Variants in PTPRK observed in about 807,000 individuals in gnomAD.
The protein encoded by PTPRK is protein tyrosine phosphatase receptor type K.
Under a neutral mutation model 178.0 loss-of-function variants are expected in PTPRK, and 75 were observed. The ratio of observed to expected loss-of-function variants is 0.42; its 90% CI spans 0.35 to 0.51. The LOEUF (loss-of-function observed/expected upper bound fraction) is 0.51, where lower values mean the gene tolerates loss of function less well. PTPRK is among the 20% of genes least tolerant of loss of function. The pLI, the probability that PTPRK is intolerant of heterozygous loss-of-function variation, is 0.02. For synonymous variants in PTPRK, 637 were observed against 620.6 expected, an observed-to-expected ratio of 1.03 and a Z score of -0.39; for missense variants, 1,441 against 1,797.8, an observed-to-expected ratio of 0.80 and a Z score of 3.59.
chr6:128,495,994 G>A (rs972145059), intron 1 of PTPRK, among the ~76,000 whole-genome samples: 3 of 152,150 alleles, frequency 2.0e-5, no homozygotes, highest in Non-Finnish European at 4.4e-5. Context: ...CCTTGGGTAA[G>A]ACACATTCTT....
intron 1 of PTPRK, among the ~76,000 whole-genome samples, chr6:128,410,847 G>T (rs1228313802): frequency 6.6e-6 from 1 of 152,168 alleles, no homozygotes; most frequent in Non-Finnish European, 1.5e-5. Context: ...CTTGGCTGAG[G>T]CTGGGCCTTC....
chr6:128,024,729 C>A (rs967547137), intron 13 of PTPRK, among the ~76,000 whole-genome samples: 6 of 152,084 alleles, frequency 3.9e-5, no homozygotes, highest in Admixed American at 1.3e-4. Context: ...AGAATTGCAA[C>A]CTCCTGGGAG....
intron 13 of PTPRK, among the ~76,000 whole-genome samples, chr6:128,056,982 G>T (rs1459464505): frequency 6.6e-6 from 1 of 152,150 alleles, no homozygotes; most frequent in African/African-American, 2.4e-5. Flanking sequence ...ATACTTTTCA[G>T]AAGTGTTTCA....
intron 1 of PTPRK, among the ~76,000 whole-genome samples, chr6:128,428,050 G>C (rs555541018): frequency 4.6e-5 from 7 of 151,972 alleles, no homozygotes; most frequent in Admixed American, 4.6e-4. Context: ...CCGAGATCAC[G>C]CCACTGCACT....
chr6:128,297,393 T>A (rs1446009238), intron 3 of PTPRK, among the ~76,000 whole-genome samples: 6 of 152,148 alleles, frequency 3.9e-5, no homozygotes, highest in South Asian at 4.2e-4. Flanking sequence ...CATCTACAGA[T>A]CTCTCCACCC....
intron 7 of PTPRK, among the ~76,000 whole-genome samples, chr6:128,167,121 A>G (rs1292967143): frequency 6.6e-6 from 1 of 151,790 alleles, no homozygotes. Context: ...TGTGCCTTAT[A>G]CATAAATATA....
intron 1 of PTPRK, among the ~76,000 whole-genome samples, chr6:128,493,639 CACACACAG>C (rs1854230370): frequency 1.5e-5 from 2 of 134,816 alleles, no homozygotes; most frequent in East Asian, 2.2e-4. Flanking sequence ...CACACACACA[CACACACAG>C]AAACAACTAT....
intron 13 of PTPRK, among the ~76,000 whole-genome samples, chr6:128,045,795 C>T (rs947616820): frequency 7.9e-5 from 12 of 152,014 alleles, no homozygotes; most frequent in Admixed American, 5.2e-4. Flanking sequence ...TACCCATACC[C>T]TCATGAACTT....
chr6:128,021,596 T>C (rs1185503059), intron 13 of PTPRK, among the ~76,000 whole-genome samples: 5 of 152,162 alleles, frequency 3.3e-5, no homozygotes, highest in African/African-American at 7.2e-5. Flanking sequence ...GCGGAGATTG[T>C]GCCACTGCAC....
chr6:128,386,642 T>A (rs1053240701), intron 2 of PTPRK, among the ~76,000 whole-genome samples: 1 of 152,338 alleles, frequency 6.6e-6, no homozygotes, highest in African/African-American at 2.4e-5. Context: ...AAAACACAAT[T>A]CTAGATTTCT....
intron 2 of PTPRK, among the ~76,000 whole-genome samples, chr6:128,360,737 G>A (rs909703865): frequency 6.6e-6 from 1 of 152,066 alleles, no homozygotes; most frequent in African/African-American, 2.4e-5. Flanking sequence ...ATAAACATTG[G>A]TGAAATTAAT....
At chr6:128,132,962 G>A (rs1051760443) in intron 7 of PTPRK, among the ~76,000 whole-genome samples, 11 of 152,076 alleles carry the variant, frequency 7.2e-5, no homozygotes, top group Non-Finnish European at 1.3e-4. Context: ...AAAAATTACT[G>A]AGACTGACTC....
At chr6:128,215,064 A>G (rs987871792) in intron 6 of PTPRK, among the ~76,000 whole-genome samples, 1 of 152,220 alleles carries the variant, frequency 6.6e-6, no homozygotes, top group Non-Finnish European at 1.5e-5. Context: ...CAAGCCATTA[A>G]CAATGACAAA....
intron 7 of PTPRK, among the ~76,000 whole-genome samples, chr6:128,169,533 G>A (rs944182565): frequency 1.3e-5 from 2 of 151,910 alleles, no homozygotes; most frequent in Non-Finnish European, 2.9e-5. Flanking sequence ...GTTAATAGAT[G>A]AGAAAATTAC....
Position 128,322,263 on chromosome 6 carries a change from C to T in PTPRK, c.271G>A (p.Ala91Thr), listed in dbSNP as rs1562281824. The change falls in exon 3 of 30, where the codon GCC (alanine) becomes ACC (threonine). Residue 91 changes from alanine to threonine, a missense_variant. By Grantham distance (58) the Ala-to-Thr change is moderately conservative. Transcript: ENST00000368226. Reference protein sequence around the residue: ...DSSDHDPGEKARLQLPTMKEN... With the variant: ...DSSDHDPGEKTRLQLPTMKEN... ...TTCATTGTAGGCAGCTGAAGTCTGG[C>T]TTTTTCTCCAGGGTCGTGATCTGAA... is the stretch of plus-strand genomic sequence containing the variant. 6.2e-7 allele frequency: 1 copy of T among 1,609,712 alleles called. No individual in the cohort carries two copies. The highest frequency in any genetic ancestry group is 1.3e-5 in the African/African-American group (1 of 74,740).
intron 3 of PTPRK, among the ~76,000 whole-genome samples, chr6:128,288,909 C>T (rs1281038565): frequency 6.6e-6 from 1 of 152,006 alleles, no homozygotes; most frequent in East Asian, 1.9e-4. Context: ...ATAATTGTTT[C>T]CTCAAGCTCC....
chr6:128,235,397 CT>C (rs1813064975), intron 5 of PTPRK: 1 of 203,286 alleles, frequency 4.9e-6, no homozygotes. Flanking sequence ...TAACCAAATG[CT>C]TTTTATTATT....
intron 3 of PTPRK, among the ~76,000 whole-genome samples, chr6:128,277,660 G>C (rs1233713368): frequency 6.6e-6 from 1 of 152,154 alleles, no homozygotes; most frequent in Non-Finnish European, 1.5e-5. Flanking sequence ...GTTGGGGAAA[G>C]GACGCATATT....
chr6:128,405,637 T>C lies in PTPRK; in HGVS notation c.101-7949A>G, dbSNP rs553604942. On this transcript the variant is annotated intron_variant, in intron 1 of 29. Coordinates refer to ENST00000368226, the MANE Select transcript of PTPRK (RefSeq NM_002844.4). Reference sequence around the variant, plus strand: ...CATATCTTTGTTTTGTTTTGTTTTGTTTCTCCTGGAGAGATTACTGATTAC... The same window carrying C: ...CATATCTTTGTTTTGTTTTGTTTTGCTTCTCCTGGAGAGATTACTGATTAC... Among the ~76,000 whole-genome samples, 6 of 152,302 alleles carry C rather than the reference T, an allele frequency of 3.9e-5. No homozygotes were observed. In the South Asian group the frequency reaches 1.2e-3, roughly 32 times the overall value.
Sources: gnomAD v4.1 joint callset for allele counts (sites outside exome capture counted in the v4.1 genomes callset) on GRCh38, gnomAD v4.1.1 for gene constraint, MANE v1.5 for transcripts, NCBI Gene and HGNC (gene_info 2026-07-23, HGNC 2026-07-21) for gene names.